Variants in WDR17 observed in about 807,000 individuals in gnomAD.
WDR17 encodes WD repeat domain 17, also known as WD repeat-containing protein 17.
WDR17 carries 143 observed loss-of-function variants against 161.7 expected under a neutral mutation model. The observed-to-expected ratio is 0.88, with a 90% CI of 0.77 to 1.02. The LOEUF is 1.02. Among genes scored for constraint, WDR17 ranks in the 50% least tolerant of loss-of-function variants. The pLI, the probability that WDR17 is intolerant of heterozygous loss-of-function variation, is 0.00. For synonymous variants in WDR17, 517 were observed against 515.6 expected, an observed-to-expected ratio of 1.00 and a Z score of -0.04; for missense variants, 1,469 against 1,520.9, an observed-to-expected ratio of 0.97 and a Z score of 0.57.
At chr4:176,074,440 A>C (rs1230034674) in intron 1 of WDR17, among the ~76,000 whole-genome samples, 1 of 151,406 alleles carries the variant, frequency 6.6e-6, no homozygotes, top group Non-Finnish European at 1.5e-5. Flanking sequence ...TATATAATTT[A>C]CTTATCTGTT....
chr4:176,104,654 G>A (rs1355923823), intron 1 of WDR17, among the ~76,000 whole-genome samples: 2 of 151,954 alleles, frequency 1.3e-5, no homozygotes, highest in African/African-American at 4.8e-5. Flanking sequence ...AGCTAATTTG[G>A]AATAAAGTTA....
chr4:176,108,705 T>C (rs1739216482), intron 1 of WDR17, among the ~76,000 whole-genome samples: 1 of 152,170 alleles, frequency 6.6e-6, no homozygotes. Context: ...TCTCTGTACT[T>C]ATTGCTCAAT....
At chr4:176,145,015 G>C (rs1026602358) in intron 11 of WDR17, among the ~76,000 whole-genome samples, 3 of 152,186 alleles carry the variant, frequency 2.0e-5, no homozygotes, top group Non-Finnish European at 2.9e-5. Context: ...TGGCATGCCA[G>C]TTTGCAAACT....
chr4:176,173,057 G>A lies in WDR17; in HGVS notation c.3245-210G>A, dbSNP rs552013391. On this transcript the variant is annotated intron_variant, in intron 24 of 28. Coordinates refer to ENST00000508596, the MANE Select transcript of WDR17 (RefSeq NM_181265.4). The stretch of plus-strand genomic sequence containing the variant: ...GAACTAGTCATCCTAAATTTAAAAA[G>A]GAGAGTGATGCTGATGTGAAATATG... Among the ~76,000 whole-genome samples the A allele has an allele frequency of 7.8e-4, 118 of 152,228 alleles. 1 individual carries two copies. Among genetic ancestry groups the A allele is most frequent in the African/African-American group, 2.7e-3 (111 of 41,540 alleles).
At chr4:176,168,964 G>A (rs1216270650) in intron 23 of WDR17, among the ~76,000 whole-genome samples, 181 bp downstream of exon 23, 1 of 152,094 alleles carries the variant, frequency 6.6e-6, no homozygotes, top group Non-Finnish European at 1.5e-5. Context: ...CTATGTGCTT[G>A]GCACTCTTCT....
At chr4:176,076,401 G>A (rs1016508327) in intron 1 of WDR17, among the ~76,000 whole-genome samples, 17 of 95,518 alleles carry the variant, frequency 1.8e-4, no homozygotes, top group Admixed American at 4.0e-4. Flanking sequence ...ATGAGTTGTC[G>A]TTGTTGGTTT....
chr4:176,140,016 T>G (rs754039068), intron 10 of WDR17, 42 bp downstream of exon 10: 2 of 1,481,570 alleles, frequency 1.3e-6, no homozygotes, highest in Admixed American at 1.8e-5. Flanking sequence ...TTACACTGTT[T>G]ATAAAGCACT....
intron 23 of WDR17, among the ~76,000 whole-genome samples, chr4:176,169,056 G>T (rs1342466622): frequency 6.6e-6 from 1 of 152,146 alleles, no homozygotes; most frequent in Non-Finnish European, 1.5e-5. Flanking sequence ...ACTCAGAGAA[G>T]GTAAGGAATT....
At position 176,160,078 on chromosome 4, in the gene WDR17, T is replaced by A; in HGVS notation, c.2610T>A (p.His870Gln). The A allele has an allele frequency of 3.1e-6, 5 of 1,613,696 alleles. No individual in the cohort carries two copies. The highest frequency in any genetic ancestry group is 4.2e-6 in the Non-Finnish European group (5 of 1,179,720). The change falls in exon 19 of 29, where the codon CAT becomes CAA. Residue 870 changes from histidine (H) to glutamine (Q), a missense_variant. By Grantham distance (24) the His-to-Gln change is conservative. Transcript: ENST00000508596. ...IAIGDVKKLV[H>Q]FFMSRGQLKE... is the part of the protein sequence containing the mutation. Reference sequence around the variant, plus strand: ...TTGGTGATGTGAAAAAGCTAGTCCATTTTTTCATGTCAAGAGGTCAGCTTA... The same window carrying A: ...TTGGTGATGTGAAAAAGCTAGTCCAATTTTTCATGTCAAGAGGTCAGCTTA...
chr4:176,081,230 T>C (rs1271943507), intron 1 of WDR17, among the ~76,000 whole-genome samples: 1 of 152,140 alleles, frequency 6.6e-6, no homozygotes, highest in Non-Finnish European at 1.5e-5. Context: ...ATCGTTAGCA[T>C]GTTGAAAATG....
chr4:176,076,795 A>G (rs1734104908), intron 1 of WDR17, among the ~76,000 whole-genome samples: 1 of 151,954 alleles, frequency 6.6e-6, no homozygotes, highest in Non-Finnish European at 1.5e-5. Flanking sequence ...GGCGGCCCAT[A>G]TAGGCTATTG....
intron 22 of WDR17, among the ~76,000 whole-genome samples, chr4:176,167,670 A>AAAC: frequency 6.6e-6 from 1 of 151,010 alleles, no homozygotes; most frequent in Non-Finnish European, 1.5e-5. Flanking sequence ...AAAAAAAAAA[A>AAAC]AACAATATCT....
intron 1 of WDR17, among the ~76,000 whole-genome samples, chr4:176,108,753 G>A (rs1257222459): frequency 6.6e-6 from 1 of 152,114 alleles, no homozygotes; most frequent in East Asian, 1.9e-4. Flanking sequence ...TATTAAAAAT[G>A]TGTAAAAAAC....
At chr4:176,072,656 G>A (rs1733390061) in intron 1 of WDR17, among the ~76,000 whole-genome samples, 1 of 152,110 alleles carries the variant, frequency 6.6e-6, no homozygotes. Context: ...TTTTCCAGAT[G>A]TTTTCCAGAG....
intron 1 of WDR17, among the ~76,000 whole-genome samples, chr4:176,081,078 C>T (rs944099879): frequency 2.0e-5 from 3 of 152,124 alleles, no homozygotes; most frequent in African/African-American, 7.2e-5. Flanking sequence ...CTCTCCCTTG[C>T]TGCCAGTTAA....
At chr4:176,173,603 G>A (rs1287943476) in intron 25 of WDR17, among the ~76,000 whole-genome samples, 9 of 151,994 alleles carry the variant, frequency 5.9e-5, no homozygotes, top group South Asian at 2.1e-4. Flanking sequence ...TGCAAGCTCC[G>A]CCTCCTGGGT....
intron 17 of WDR17, among the ~76,000 whole-genome samples, chr4:176,154,209 G>A (rs1038250804): frequency 2.6e-5 from 4 of 152,138 alleles, no homozygotes; most frequent in African/African-American, 7.2e-5. Flanking sequence ...AGGCGGGCAC[G>A]GTGGCTTATG....
At position 176,162,063 on chromosome 4, in the gene WDR17, TTTTC is replaced by T; in HGVS notation, c.2751-6_2751-3del. 1 of 1,601,894 alleles carries T rather than the reference TTTTC, an allele frequency of 6.2e-7. No individual in the cohort carries two copies. The highest frequency in any genetic ancestry group is 2.2e-5 in the East Asian group (1 of 44,750). Reference sequence around the variant, plus strand: ...TTGTGTTTATATAGAATACACATTTTTTTCTTTCTAGACTCCTGCACAAAGTCAG... The same window carrying T: ...TTGTGTTTATATAGAATACACATTTTTTTCTAGACTCCTGCACAAAGTCAG... On this transcript the variant is annotated splice_polypyrimidine_tract_variant and splice_region_variant and intron_variant, in intron 20 of 28. Transcript: ENST00000508596.
chr4:176,096,019 A>T (rs1413626336), intron 1 of WDR17, among the ~76,000 whole-genome samples: 1 of 152,126 alleles, frequency 6.6e-6, no homozygotes, highest in African/African-American at 2.4e-5. Flanking sequence ...ATGTAAAATG[A>T]TTTAACTGTC....
Sources: allele counts gnomAD v4.1 joint callset (sites outside exome capture counted in the v4.1 genomes callset), GRCh38; gene constraint gnomAD v4.1.1; transcripts MANE v1.5; gene names NCBI Gene and HGNC (gene_info 2026-07-23, HGNC 2026-07-21).